LRRC31: variants seen among roughly 807,000 people sequenced by gnomAD.
LRRC31 encodes the protein leucine-rich repeat-containing protein 31.
Under a neutral mutation model 46.7 loss-of-function variants are expected in LRRC31, and 35 were observed. The observed-to-expected ratio is 0.75, with a 90% CI of 0.57 to 0.99. The LOEUF (loss-of-function observed/expected upper bound fraction) is 0.99. LRRC31 is among the 50% of genes least tolerant of loss of function. The pLI, the probability that LRRC31 is intolerant of heterozygous loss-of-function variation, is 0.00. For missense variants in LRRC31, 613 were observed against 626.1 expected (o/e 0.98, Z 0.22); for synonymous variants, 236 against 235.1 (o/e 1.00, Z -0.03).
In LRRC31 at chr3:169,851,760, G is replaced by T. The variant is rs1162885705; in HGVS notation, c.1018C>A (p.Leu340Ile). The T allele has an allele frequency of 1.9e-6, 3 of 1,614,172 alleles. No individual in the cohort carries two copies. In the Admixed American group the frequency reaches 5.0e-5, roughly 27 times the overall value. ...LTQVIPLLSN[L>I]QELDLSANKK... Reference sequence around the variant, plus strand: ...TTGGCTGATAAATCCAATTCTTGAAGATTTGAAAGTAAAGGAATGACCTGG... The same window carrying T: ...TTGGCTGATAAATCCAATTCTTGAATATTTGAAAGTAAAGGAATGACCTGG... Residue 340 changes from leucine (L) to isoleucine (I), a missense_variant, in exon 7 of 9, where the codon CTT becomes ATT. By Grantham distance (5) the Leu-to-Ile change is conservative. Coordinates refer to ENST00000316428, the MANE Select transcript of LRRC31 (RefSeq NM_024727.4).
At chr3:169,841,469 T>G (rs770395153) in intron 8 of LRRC31, among the ~76,000 whole-genome samples, 8 of 152,218 alleles carry the variant, frequency 5.3e-5, no homozygotes, top group Non-Finnish European at 1.0e-4. Flanking sequence ...CAGCCACCCG[T>G]GCACACAACA....
Position 169,861,707 on chromosome 3 carries a change from A to T in LRRC31, c.282T>A (p.Asn94Lys). ...KKAVNKCLDL[N>K]NCGLTTADMK... ...TGTCCGCTGTTGTTAATCCACAGTT[A>T]TTCAAATCTAGACACTTGTTGACAG... The change falls in exon 2 of 9, where the codon AAT becomes AAA. Residue 94 changes from asparagine (N) to lysine (K), a missense_variant. Transcript: ENST00000316428. 4.3e-6 allele frequency: 7 copies of T among 1,614,142 alleles called. No individual in the cohort carries two copies. The highest frequency in any genetic ancestry group is 5.9e-6 in the Non-Finnish European group (7 of 1,180,020).
intron 1 of LRRC31, among the ~76,000 whole-genome samples, chr3:169,868,066 G>A (rs967021449): frequency 1.3e-5 from 2 of 152,230 alleles, no homozygotes; most frequent in African/African-American, 4.8e-5. Context: ...ATATGTTCTA[G>A]AAGTAGGATC....
In LRRC31 at chr3:169,869,780, A is replaced by G; in HGVS notation, c.28T>C (p.Ser10Pro). ...GTCTGGGGCTTAGTTTCTCCTTCTG[A>G]GGAAGTTTTCTTCCTTGTTTGACTC... is the stretch of plus-strand genomic sequence containing the variant. Reference protein sequence around the residue: MSQTRKKTSSEGETKPQTST... With the variant: MSQTRKKTSPEGETKPQTST... Residue 10 changes from serine (S) to proline (P), a missense_variant, in exon 1 of 9, where the codon TCA becomes CCA. Transcript: ENST00000316428. The G allele has an allele frequency of 3.7e-6, 6 of 1,612,758 alleles. No individual in the cohort carries two copies. Among genetic ancestry groups the G allele is most frequent in the Non-Finnish European group, 5.1e-6 (6 of 1,179,648 alleles).
chr3:169,862,178 A>G (rs1781186824), intron 1 of LRRC31, among the ~76,000 whole-genome samples: 1 of 152,218 alleles, frequency 6.6e-6, no homozygotes, highest in South Asian at 2.1e-4. Context: ...TGCAACTGCT[A>G]GGGAGGAAGC....
rs777135503 is a variant in LRRC31, at chr3:169,848,301, C to T, written c.1160-14G>A. ...CAGAGGCTTCAGCTAAAAGTGATAA[C>T]AATACGAACAGCAGTAATTTAGGAT... On this transcript the variant is annotated splice_polypyrimidine_tract_variant and intron_variant, in intron 7 of 8. Transcript: ENST00000316428. 6.2e-6 allele frequency: 10 copies of T among 1,610,898 alleles called. No homozygotes were observed. Among genetic ancestry groups the T allele is most frequent in the Admixed American group, 5.0e-5 (3 of 59,892 alleles).
chr3:169,854,667 T>C lies in LRRC31; in HGVS notation c.991+146A>G, dbSNP rs148492734. 1,212 of 617,230 alleles carry C rather than the reference T, an allele frequency of 2.0e-3. 13 individuals are homozygous for C. Among genetic ancestry groups the C allele is most frequent in the African/African-American group, 0.018 (993 of 55,462 alleles). The allele number at this position is 617,230 out of a possible 1,614,324, so 38.2% of individuals were successfully genotyped here. On this transcript the variant is annotated intron_variant, in intron 6 of 8. Coordinates refer to ENST00000316428, the MANE Select transcript of LRRC31 (RefSeq NM_024727.4). ...CGTTTAATACATGCCAAGTACTACA[T>C]TGGGGCACTCACAGAACTGTTATGA...
chr3:169,859,069 T>TA (rs200349954), intron 3 of LRRC31, among the ~76,000 whole-genome samples: 1,452 of 137,326 alleles, frequency 0.011, 13 homozygotes, highest in Non-Finnish European at 0.017. Context: ...CTACTAAAAA[T>TA]AAAAAAAATA....
intron 8 of LRRC31, among the ~76,000 whole-genome samples, chr3:169,842,678 C>A (rs1780487427): frequency 6.6e-6 from 1 of 151,556 alleles, no homozygotes; most frequent in Non-Finnish European, 1.5e-5. Flanking sequence ...AGTAAAAATT[C>A]AAAGAAGGAA....
In LRRC31 at chr3:169,869,767, G is replaced by C; in HGVS notation, c.41C>G (p.Thr14Ser). The C allele has an allele frequency of 6.2e-7, 1 of 1,613,072 alleles. No homozygotes were observed. The highest frequency in any genetic ancestry group is 8.5e-7 in the Non-Finnish European group (1 of 1,179,738). ...TRKKTSSEGE[T>S]KPQTSTVNKF... ...GTTGACAGTTGAAGTCTGGGGCTTA[G>C]TTTCTCCTTCTGAGGAAGTTTTCTT... The change falls in exon 1 of 9, where the codon ACT (threonine) becomes AGT (serine). Residue 14 changes from threonine (T) to serine (S), a missense_variant. Coordinates refer to ENST00000316428, the MANE Select transcript of LRRC31 (RefSeq NM_024727.4).
At position 169,864,001 on chromosome 3, in the gene LRRC31, A is replaced by AGTGTGT. The variant is rs35795931; in HGVS notation, c.176-2194_176-2189dup. ...CCCAGAATAGTTTGTTCCAAAGCCTAGTGTGTGTGTGTGTGTGTGTGTGTG... is the reference window on the plus strand; with the variant it reads ...CCCAGAATAGTTTGTTCCAAAGCCTAGTGTGTGTGTGTGTGTGTGTGTGTGTGTGTG... On this transcript the variant is annotated intron_variant, in intron 1 of 8. Coordinates refer to ENST00000316428, the MANE Select transcript of LRRC31 (RefSeq NM_024727.4). 4.5e-3 allele frequency among the ~76,000 whole-genome samples: 663 copies of AGTGTGT among 148,716 alleles called. 6 individuals carry two copies. Among genetic ancestry groups the AGTGTGT allele is most frequent in the Middle Eastern group, 0.014 (4 of 290 alleles).
At chr3:169,851,589 G>A in intron 7 of LRRC31, 30 bp downstream of exon 7, 2 of 1,600,514 alleles carry the variant, frequency 1.2e-6, no homozygotes, top group South Asian at 2.2e-5. Flanking sequence ...TTATTGCATG[G>A]TTCCTGCAGG....
Position 169,851,711 on chromosome 3 carries a change from T to C in LRRC31, c.1067A>G (p.Glu356Gly). ...SANKKMGSSS[E>G]NLLSRLRFLP... The stretch of plus-strand genomic sequence containing the variant: ...AAATCGGAGCCTGCTGAGTAAGTTT[T>C]CAGAAGAACTGCCCATCTTTTTGTT... The change falls in exon 7 of 9, where the codon GAA (glutamate) becomes GGA (glycine). Residue 356 changes from glutamate (E) to glycine (G), a missense_variant. Coordinates refer to ENST00000316428, the MANE Select transcript of LRRC31 (RefSeq NM_024727.4). 6.2e-7 allele frequency: 1 copy of C among 1,614,198 alleles called. No homozygotes were observed. Among genetic ancestry groups the C allele is most frequent in the African/African-American group, 1.3e-5 (1 of 75,042 alleles).
intron 8 of LRRC31, among the ~76,000 whole-genome samples, chr3:169,847,271 G>A (rs1293764827): frequency 2.0e-5 from 3 of 152,088 alleles, no homozygotes; most frequent in East Asian, 1.9e-4. Context: ...CTGCAACCTC[G>A]GCCGCCCAGG....
intron 6 of LRRC31, chr3:169,853,542 A>T (rs1780853098): frequency 1.0e-6 from 1 of 985,692 alleles, no homozygotes; most frequent in Non-Finnish European, 1.2e-6. Flanking sequence ...ATTTAGTTGT[A>T]CCAAGGGAAT....
At chr3:169,852,098 A>G (rs1780793960) in intron 6 of LRRC31, among the ~76,000 whole-genome samples, 1 of 152,026 alleles carries the variant, frequency 6.6e-6, no homozygotes, top group South Asian at 2.1e-4. Flanking sequence ...TCTCAACTCT[A>G]ATACTCTTAG....
chr3:169,856,300 T>C (rs1780938070), intron 5 of LRRC31, 36 bp downstream of exon 5: 1 of 1,361,912 alleles, frequency 7.3e-7, no homozygotes, highest in East Asian at 2.5e-5. Context: ...TATATAATTA[T>C]ACATGTAATC....
chr3:169,861,257 C>T (rs551016069), intron 2 of LRRC31, among the ~76,000 whole-genome samples: 1 of 151,278 alleles, frequency 6.6e-6, no homozygotes, highest in Non-Finnish European at 1.5e-5. Context: ...TTAGTAGAGA[C>T]GGGGTTTCAC....
intron 1 of LRRC31, among the ~76,000 whole-genome samples, chr3:169,864,660 C>T (rs1781275784): frequency 1.3e-5 from 2 of 152,150 alleles, no homozygotes; most frequent in South Asian, 4.1e-4. Context: ...TTTACAGTTC[C>T]TCAATTACCA....
Sources: gnomAD v4.1 joint callset for allele counts (sites outside exome capture counted in the v4.1 genomes callset) on GRCh38, gnomAD v4.1.1 for gene constraint, MANE v1.5 for transcripts, NCBI Gene and HGNC (gene_info 2026-07-23, HGNC 2026-07-21) for gene names.